GLYATL3: variants seen among roughly 807,000 people sequenced by gnomAD.
The protein encoded by GLYATL3 is glycine N-acyltransferase-like protein 3.
Under a neutral mutation model 28.5 loss-of-function variants are expected in GLYATL3, and 31 were observed. The observed-to-expected ratio is 1.09, with a 90% CI of 0.82 to 1.47. The LOEUF (loss-of-function observed/expected upper bound fraction) is 1.47, where lower values mean the gene tolerates loss of function less well. Among genes scored for constraint, GLYATL3 ranks in the 40% most tolerant of loss-of-function variants. The pLI is 0.00. For synonymous variants in GLYATL3, 141 were observed against 140.2 expected (o/e 1.01, Z -0.04); for missense variants, 369 against 351.5 (o/e 1.05, Z -0.40).
chr6:49,517,173 A>AAAAG (rs1214044398), intron 3 of GLYATL3, among the ~76,000 whole-genome samples: 1 of 143,052 alleles, frequency 7.0e-6, no homozygotes, highest in Non-Finnish European at 1.5e-5. Context: ...AAAAAAAAAG[A>AAAAG]AAAGAAAGAA....
At chr6:49,509,583 C>T (rs926820371) in intron 1 of GLYATL3, among the ~76,000 whole-genome samples, 3 of 152,160 alleles carry the variant, frequency 2.0e-5, no homozygotes, top group African/African-American at 7.2e-5. Flanking sequence ...ATGAAAAGGG[C>T]ACTTGTTTAC....
intron 4 of GLYATL3, among the ~76,000 whole-genome samples, chr6:49,520,769 G>A (rs12190495): frequency 0.26 from 39,468 of 152,072 alleles, 5,359 homozygotes; most frequent in South Asian, 0.3. Flanking sequence ...TAATCCAAGC[G>A]CTTTGGGAGA....
rs373802222 is a variant in GLYATL3, at chr6:49,523,702, A to G, written c.440+1931A>G. 3.9e-5 allele frequency among the ~76,000 whole-genome samples: 6 copies of G among 152,360 alleles called. 1 individual carries two copies. Among genetic ancestry groups the G allele is most frequent in the African/African-American group, 1.4e-4 (6 of 41,596 alleles). ...TCCTTAAAGTAAAATAACATTATTC[A>G]TATTTCCGATATTGTCGTAATATTT... On this transcript the variant is annotated intron_variant, in intron 5 of 5. Coordinates refer to ENST00000371197, the MANE Select transcript of GLYATL3 (RefSeq NM_001010904.2).
intron 1 of GLYATL3, among the ~76,000 whole-genome samples, chr6:49,508,247 G>T (rs899087976): frequency 6.6e-6 from 1 of 152,140 alleles, no homozygotes; most frequent in Non-Finnish European, 1.5e-5. Flanking sequence ...ACTGAGCCGA[G>T]ATCGCACCAC....
At chr6:49,509,914 T>C (rs1769080938) in intron 1 of GLYATL3, among the ~76,000 whole-genome samples, 1 of 151,478 alleles carries the variant, frequency 6.6e-6, no homozygotes, top group African/African-American at 2.4e-5. Context: ...TTAAACTTAA[T>C]TATTTTTCTT....
At chr6:49,513,540 G>C (rs548385229) in intron 2 of GLYATL3, among the ~76,000 whole-genome samples, 5 of 152,248 alleles carry the variant, frequency 3.3e-5, no homozygotes, top group Admixed American at 6.5e-5. Flanking sequence ...AGAATGTATA[G>C]TTTCCTCATG....
Position 49,517,454 on chromosome 6 carries a change from T to C in GLYATL3, c.211T>C (p.Tyr71His). 6.5e-7 allele frequency: 1 copy of C among 1,545,396 alleles called. No homozygotes were observed. Among genetic ancestry groups the C allele is most frequent in the Non-Finnish European group, 8.7e-7 (1 of 1,143,790 alleles). The change falls in exon 4 of 6, where the codon TAT (tyrosine) becomes CAT (histidine). Residue 71 changes from tyrosine to histidine, a missense_variant. By Grantham distance (83) the Tyr-to-His change is moderately conservative. Coordinates refer to ENST00000371197, the MANE Select transcript of GLYATL3 (RefSeq NM_001010904.2). ...REAETDNLDHYTNAYAVFYKD... is the reference protein window; with the variant it reads ...REAETDNLDHHTNAYAVFYKD... ...GGCTGAGACAGATAACCTTGATCAT[T>C]ATACTAATGCCTATGCTGTGTTCTA...
At chr6:49,511,942 T>A (rs1440130296) in intron 1 of GLYATL3, 21 bp from the exon 2 acceptor site, 1 of 884,622 alleles carries the variant, frequency 1.1e-6, no homozygotes, top group Non-Finnish European at 1.7e-6. Flanking sequence ...ATTAAATGCC[T>A]ACCTTCAAGT....
intron 5 of GLYATL3, among the ~76,000 whole-genome samples, chr6:49,523,581 G>C (rs1201969600): frequency 3.9e-5 from 6 of 152,130 alleles, no homozygotes; most frequent in Non-Finnish European, 7.3e-5. Context: ...ACCAACCAAG[G>C]GTCAACCTTG....
At chr6:49,500,381 C>T (rs1052562455) in intron 1 of GLYATL3, among the ~76,000 whole-genome samples, 1 of 152,084 alleles carries the variant, frequency 6.6e-6, no homozygotes, top group Non-Finnish European at 1.5e-5. Context: ...TAATTACTAG[C>T]ATTGGATTCC....
At chr6:49,502,542 C>T (rs1335212309) in intron 1 of GLYATL3, among the ~76,000 whole-genome samples, 1 of 152,186 alleles carries the variant, frequency 6.6e-6, no homozygotes, top group African/African-American at 2.4e-5. Context: ...CATTTGAAAT[C>T]TATGTTCTAA....
intron 1 of GLYATL3, among the ~76,000 whole-genome samples, chr6:49,501,187 G>T (rs1221238208): frequency 6.6e-6 from 1 of 152,122 alleles, no homozygotes. Flanking sequence ...ATCACATGAG[G>T]TCAGGAGTTT....
chr6:49,513,138 A>G (rs1769153089), intron 2 of GLYATL3, among the ~76,000 whole-genome samples: 1 of 152,226 alleles, frequency 6.6e-6, no homozygotes, highest in Admixed American at 6.5e-5. Flanking sequence ...TTTACAGGAT[A>G]ATAAAAGGTG....
intron 5 of GLYATL3, 121 bp downstream of exon 5, chr6:49,521,892 A>G (rs1243224818): frequency 2.4e-6 from 2 of 818,260 alleles, no homozygotes; most frequent in Non-Finnish European, 3.8e-6. Context: ...TCAACCATTG[A>G]GCACAAACGG....
Position 49,527,058 on chromosome 6 carries a change from G to A in GLYATL3, c.*144G>A. On this transcript the variant is annotated 3_prime_UTR_variant, in exon 6 of 6. Transcript: ENST00000371197. ...TGGAGAATATATACAGGATCCACTT[G>A]AGAAGCCTTAATTTTTCGTATCTCA... The A allele has an allele frequency of 3.2e-6, 2 of 627,064 alleles. No individual in the cohort carries two copies. The highest frequency in any genetic ancestry group is 3.2e-5 in the Admixed American group (1 of 31,576). 38.8% of individuals were successfully genotyped at this position (627,064 alleles called of 1,614,324 possible).
chr6:49,515,828 T>C, intron 3 of GLYATL3, 68 bp downstream of exon 3: 1 of 860,858 alleles, frequency 1.2e-6, no homozygotes, highest in Non-Finnish European at 1.9e-6. Flanking sequence ...GTAATGGTAT[T>C]TTATAATCAT....
chr6:49,500,786 C>T (rs1328808689), intron 1 of GLYATL3, among the ~76,000 whole-genome samples: 1 of 152,130 alleles, frequency 6.6e-6, no homozygotes, highest in Non-Finnish European at 1.5e-5. Flanking sequence ...ACATTCTGCT[C>T]TTGTAGCTTT....
intron 4 of GLYATL3, 118 bp from the exon 5 acceptor site, chr6:49,521,527 T>C (rs1253045012): frequency 5.0e-6 from 4 of 792,946 alleles, no homozygotes; most frequent in South Asian, 1.9e-5. Flanking sequence ...GTTAGGATAA[T>C]ACAAGGTGGC....
chr6:49,525,668 T>A (rs1769397959), intron 5 of GLYATL3, among the ~76,000 whole-genome samples: 1 of 151,064 alleles, frequency 6.6e-6, no homozygotes, highest in South Asian at 2.1e-4. Context: ...TTCAGAGTTA[T>A]ACCCACCAGT....
Sources: gnomAD v4.1 joint callset for allele counts (sites outside exome capture counted in the v4.1 genomes callset) on GRCh38, gnomAD v4.1.1 for gene constraint, MANE v1.5 for transcripts, NCBI Gene and HGNC (gene_info 2026-07-23, HGNC 2026-07-21) for gene names.